The following SPIDR variants were observed in gnomAD, a reference collection of about 807,000 sequenced individuals.
SPIDR encodes the protein DNA repair-scaffolding protein.
SPIDR carries 93 observed loss-of-function variants against 104.6 expected under a neutral mutation model. The observed-to-expected ratio is 0.89, with a 90% CI of 0.75 to 1.06. The LOEUF is 1.06. Among genes scored for constraint, SPIDR ranks in the 50% least tolerant of loss-of-function variants. The pLI, the probability that SPIDR is intolerant of heterozygous loss-of-function variation, is 0.00. For synonymous variants in SPIDR, 431 were observed against 416.9 expected (o/e 1.03, Z -0.41); for missense variants, 1,154 against 1,111.2 (o/e 1.04, Z -0.55).
chr8:47,270,754 T>C (rs990321317), intron 1 of SPIDR, among the ~76,000 whole-genome samples: 3 of 152,180 alleles, frequency 2.0e-5, no homozygotes, highest in African/African-American at 7.2e-5. Context: ...TAGGTTTTAG[T>C]GTATATTGTT....
At position 47,714,387 on chromosome 8, in the gene SPIDR, T is replaced by G. The variant is rs553852311; in HGVS notation, c.2341+746T>G. ...AGGATGTGGCAGGCAAAGTCAGCTT[T>G]GAGGGGACCTGCTCAGTTCTGTCGG... On this transcript the variant is annotated intron_variant, in intron 16 of 19. Coordinates refer to ENST00000297423, the MANE Select transcript of SPIDR (RefSeq NM_001080394.4). Among the ~76,000 whole-genome samples the G allele has an allele frequency of 2.6e-5, 4 of 152,318 alleles. No homozygotes were observed. In the South Asian group the frequency reaches 8.3e-4, roughly 32 times the overall value.
intron 8 of SPIDR, among the ~76,000 whole-genome samples, chr8:47,485,294 C>G (rs2077415752): frequency 6.6e-6 from 1 of 152,300 alleles, no homozygotes; most frequent in Non-Finnish European, 1.5e-5. Context: ...AAGGCGGCAG[C>G]GAGGCTGGGG....
intron 8 of SPIDR, among the ~76,000 whole-genome samples, chr8:47,466,068 A>G (rs1289657156): frequency 6.6e-6 from 1 of 152,154 alleles, no homozygotes; most frequent in Non-Finnish European, 1.5e-5. Context: ...CCCACACAAT[A>G]GTAGTGGGAG....
chr8:47,545,096 TTTCTTTCTTTCTTTCTTTCTTTC>T lies in SPIDR; in HGVS notation c.1098-50712_1098-50690del, dbSNP rs1174835174. ...TTTTCTTTCTTTCTTTCTTTCTTTCTTTCTTTCTTTCTTTCTTTCTTTCTTTTTTTTTTTTTTTTGTTGAAACG... is the reference window on the plus strand; with the variant it reads ...TTTTCTTTCTTTCTTTCTTTCTTTCTTTTTTTTTTTTTTTTTGTTGAAACG... On this transcript the variant is annotated intron_variant, in intron 8 of 19. Coordinates refer to ENST00000297423, the MANE Select transcript of SPIDR (RefSeq NM_001080394.4). 2.9e-4 allele frequency among the ~76,000 whole-genome samples: 40 copies of T among 136,640 alleles called. 1 individual carries two copies. The East Asian group carries it at 4.8e-3, about 17-fold the overall frequency. 89.6% of individuals were successfully genotyped at this position (136,640 alleles called of 152,430 possible).
chr8:47,635,998 GCT>G (rs1191353014), intron 10 of SPIDR, among the ~76,000 whole-genome samples: 1 of 152,186 alleles, frequency 6.6e-6, no homozygotes, highest in Non-Finnish European at 1.5e-5. Flanking sequence ...ACTTTATTAT[GCT>G]TCACTTTACT....
intron 6 of SPIDR, among the ~76,000 whole-genome samples, chr8:47,402,996 T>G (rs2062125233): frequency 6.6e-6 from 1 of 152,176 alleles, no homozygotes; most frequent in Non-Finnish European, 1.5e-5. Flanking sequence ...ATGAAAAAGC[T>G]TATCCACCAC....
chr8:47,511,597 A>G, intron 8 of SPIDR: 1 of 785,136 alleles, frequency 1.3e-6, no homozygotes, highest in Non-Finnish European at 2.4e-6. Flanking sequence ...GAGTTTCAGT[A>G]CTACATGAAC....
intron 3 of SPIDR, 23 bp from the exon 4 acceptor site, chr8:47,291,010 T>C: frequency 6.4e-7 from 1 of 1,564,366 alleles, no homozygotes; most frequent in Middle Eastern, 1.7e-4. Flanking sequence ...ATCATATTTA[T>C]GTGCTTTCTT....
intron 10 of SPIDR, among the ~76,000 whole-genome samples, chr8:47,664,155 G>T (rs2074541713): frequency 6.6e-6 from 1 of 152,050 alleles, no homozygotes; most frequent in Non-Finnish European, 1.5e-5. Context: ...CCCAGTGTAG[G>T]GTACATTTCA....
At chr8:47,632,829 G>T (rs1420828729) in intron 10 of SPIDR, among the ~76,000 whole-genome samples, 1 of 152,182 alleles carries the variant, frequency 6.6e-6, no homozygotes, top group Admixed American at 6.5e-5. Flanking sequence ...ACGCTGCACA[G>T]CAGTTCTGGA....
At chr8:47,655,475 GTGA>G (rs2072579097) in intron 10 of SPIDR, among the ~76,000 whole-genome samples, 2 of 152,232 alleles carry the variant, frequency 1.3e-5, no homozygotes, top group Non-Finnish European at 2.9e-5. Flanking sequence ...CTGATGGCCA[GTGA>G]TGATGAGCAT....
chr8:47,553,970 A>T (rs944521713), intron 8 of SPIDR, among the ~76,000 whole-genome samples: 1 of 152,248 alleles, frequency 6.6e-6, no homozygotes, highest in East Asian at 1.9e-4. Context: ...CCTTCCAACA[A>T]TCAGGACCCT....
At chr8:47,495,230 A>G (rs2079258247) in intron 8 of SPIDR, among the ~76,000 whole-genome samples, 1 of 151,994 alleles carries the variant, frequency 6.6e-6, no homozygotes, top group African/African-American at 2.4e-5. Context: ...CTTTTACTAA[A>G]TGAATATTTT....
chr8:47,342,301 C>T (rs1054594476), intron 5 of SPIDR, among the ~76,000 whole-genome samples: 1 of 151,012 alleles, frequency 6.6e-6, no homozygotes, highest in East Asian at 1.9e-4. Context: ...ATATTTCTCA[C>T]CCATCTTCTA....
chr8:47,330,943 A>T (rs990039899), intron 5 of SPIDR: 9 of 348,088 alleles, frequency 2.6e-5, no homozygotes, highest in Non-Finnish European at 5.3e-5. Context: ...TGTCTTCCAA[A>T]GTGGCTGTAA....
chr8:47,642,590 C>A (rs928206150), intron 10 of SPIDR, among the ~76,000 whole-genome samples: 2 of 151,970 alleles, frequency 1.3e-5, no homozygotes, highest in East Asian at 3.9e-4. Context: ...GAAAGCTCAC[C>A]AATAAAAGAG....
chr8:47,606,415 A>G (rs546307733), intron 10 of SPIDR, among the ~76,000 whole-genome samples: 62 of 152,184 alleles, frequency 4.1e-4, no homozygotes, highest in African/African-American at 1.3e-3. Flanking sequence ...AGTCCCAGCT[A>G]CTAGGGAGGC....
At chr8:47,435,756 A>G (rs1554691669) in intron 7 of SPIDR, among the ~76,000 whole-genome samples, 1 of 152,238 alleles carries the variant, frequency 6.6e-6, no homozygotes, top group East Asian at 1.9e-4. Flanking sequence ...AACCTGAAAC[A>G]TTGTCTGTCT....
intron 8 of SPIDR, among the ~76,000 whole-genome samples, chr8:47,587,647 G>A (rs2060409247): frequency 6.7e-6 from 1 of 149,902 alleles, no homozygotes; most frequent in African/African-American, 2.5e-5. Context: ...CTGGTGCTGA[G>A]CATGGTGGTG....
Sources: allele counts gnomAD v4.1 joint callset (sites outside exome capture counted in the v4.1 genomes callset), GRCh38; gene constraint gnomAD v4.1.1; transcripts MANE v1.5; gene names NCBI Gene and HGNC (gene_info 2026-07-23, HGNC 2026-07-21).